UMAD1: variants seen among roughly 807,000 people sequenced by gnomAD.
UMAD1 encodes UBAP1-MVB12-associated (UMA) domain containing 1.
A neutral mutation model predicts 6.1 loss-of-function variants in UMAD1; 8 were observed. The ratio of observed to expected loss-of-function variants is 1.30; its 90% CI spans 0.76 to 2.35. The LOEUF (loss-of-function observed/expected upper bound fraction) is 2.35, where lower values mean the gene tolerates loss of function less well. Ranked by LOEUF, UMAD1 falls within the 30% of genes most tolerant of loss-of-function variation. UMAD1 has a pLI of 0.00. For missense variants in UMAD1, 130 were observed against 78.4 expected, an observed-to-expected ratio of 1.66 and a Z score of -2.49; for synonymous variants, 56 against 31.4, an observed-to-expected ratio of 1.78 and a Z score of -2.61.
At chr7:7,836,527 T>C (rs1053653512) in intron 3 of UMAD1, among the ~76,000 whole-genome samples, 5 of 151,956 alleles carry the variant, frequency 3.3e-5, no homozygotes, top group African/African-American at 1.2e-4. Context: ...AAGTGAGAGT[T>C]AGCAAAAACA....
chr7:7,710,673 C>T (rs574912219), intron 2 of UMAD1, among the ~76,000 whole-genome samples: 9 of 152,266 alleles, frequency 5.9e-5, no homozygotes, highest in African/African-American at 1.4e-4. Context: ...AGTTACTATA[C>T]GACTCAGCAA....
intron 2 of UMAD1, among the ~76,000 whole-genome samples, chr7:7,729,230 G>A (rs1781200088): frequency 6.6e-6 from 1 of 152,208 alleles, no homozygotes. Context: ...AGAGAGCCAG[G>A]ATGGAGCATG....
chr7:7,780,652 T>C (rs1782325968), intron 2 of UMAD1, among the ~76,000 whole-genome samples: 3 of 152,314 alleles, frequency 2.0e-5, no homozygotes, highest in Admixed American at 6.5e-5. Context: ...TCCAAAGCAA[T>C]CCTGACTTCT....
At chr7:7,691,773 G>A (rs947899102) in intron 2 of UMAD1, among the ~76,000 whole-genome samples, 4 of 152,280 alleles carry the variant, frequency 2.6e-5, no homozygotes, top group African/African-American at 9.6e-5. Flanking sequence ...AAATTTGATG[G>A]TATTGAAGTG....
chr7:7,860,414 A>G (rs73345746), intron 3 of UMAD1, among the ~76,000 whole-genome samples: 7,576 of 151,908 alleles, frequency 0.05, 618 homozygotes, highest in African/African-American at 0.17. Context: ...ATATTCATCA[A>G]ATCCTAATGA....
intron 3 of UMAD1, among the ~76,000 whole-genome samples, chr7:7,856,054 C>T (rs1784010055): frequency 6.6e-6 from 1 of 152,178 alleles, no homozygotes; most frequent in Non-Finnish European, 1.5e-5. Context: ...GCATTTTGGT[C>T]AAAGCCATTC....
intron 3 of UMAD1, among the ~76,000 whole-genome samples, chr7:7,821,991 C>T (rs1287275199): frequency 6.6e-6 from 1 of 151,962 alleles, no homozygotes; most frequent in Non-Finnish European, 1.5e-5. Flanking sequence ...TGTAATATTA[C>T]ATTAATATTA....
At chr7:7,799,919 T>C (rs1782764847) in intron 2 of UMAD1, among the ~76,000 whole-genome samples, 1 of 152,272 alleles carries the variant, frequency 6.6e-6, no homozygotes, top group Admixed American at 6.5e-5. Flanking sequence ...GTTTCGCTGT[T>C]GTTCCCCAGG....
intron 3 of UMAD1, among the ~76,000 whole-genome samples, chr7:7,802,375 TC>T (rs1318438484): frequency 0.01 from 1,520 of 145,188 alleles, 36 homozygotes; most frequent in African/African-American, 0.037. Context: ...AGACTCCGTC[TC>T]AAAAAAAAAA....
chr7:7,798,132 G>A (rs1782724663), intron 2 of UMAD1, among the ~76,000 whole-genome samples: 1 of 152,170 alleles, frequency 6.6e-6, no homozygotes, highest in Non-Finnish European at 1.5e-5. Context: ...TTCTATGACT[G>A]CTTGTGACTA....
chr7:7,703,811 G>A (rs900608924), intron 2 of UMAD1, among the ~76,000 whole-genome samples: 1 of 152,058 alleles, frequency 6.6e-6, no homozygotes, highest in Non-Finnish European at 1.5e-5. Context: ...ATGTGGTGGC[G>A]TGCCCCTGTA....
chr7:7,749,059 T>A (rs564010204), intron 2 of UMAD1, among the ~76,000 whole-genome samples: 1 of 152,218 alleles, frequency 6.6e-6, no homozygotes, highest in Non-Finnish European at 1.5e-5. Flanking sequence ...AAAAAAAATT[T>A]CCCTTGATAA....
At chr7:7,730,910 T>C (rs984343055) in intron 2 of UMAD1, among the ~76,000 whole-genome samples, 1 of 152,210 alleles carries the variant, frequency 6.6e-6, no homozygotes, top group African/African-American at 2.4e-5. Flanking sequence ...TGGGGCTTTG[T>C]ATATTACACT....
intron 2 of UMAD1, among the ~76,000 whole-genome samples, chr7:7,683,638 T>A (rs376046411): frequency 5.9e-5 from 9 of 152,092 alleles, no homozygotes; most frequent in African/African-American, 1.7e-4. Flanking sequence ...TTTCTTTTTT[T>A]TAGACGGAGT....
chr7:7,849,548 A>G (rs1299223141), intron 3 of UMAD1, among the ~76,000 whole-genome samples: 2 of 151,930 alleles, frequency 1.3e-5, no homozygotes, highest in Non-Finnish European at 2.9e-5. Flanking sequence ...GGATGAAACC[A>G]CTCTATGACC....
At chr7:7,675,876 T>G (rs918127633) in intron 2 of UMAD1, among the ~76,000 whole-genome samples, 3 of 152,208 alleles carry the variant, frequency 2.0e-5, no homozygotes, top group African/African-American at 7.2e-5. Context: ...CTCGTTGCCC[T>G]TCAGCTCCTC....
chr7:7,789,539 T>C (rs1333479854), intron 2 of UMAD1, among the ~76,000 whole-genome samples: 1 of 152,004 alleles, frequency 6.6e-6, no homozygotes, highest in Non-Finnish European at 1.5e-5. Context: ...TTATTTGTGG[T>C]AAGTACATTC....
intron 3 of UMAD1, among the ~76,000 whole-genome samples, chr7:7,816,386 G>T (rs553855794): frequency 1.1e-4 from 16 of 152,328 alleles, no homozygotes; most frequent in South Asian, 2.1e-4. Context: ...TGACTTCAAT[G>T]ATTTGTGTGC....
At chr7:7,705,929 A>G (rs896549446) in intron 2 of UMAD1, among the ~76,000 whole-genome samples, 1 of 152,102 alleles carries the variant, frequency 6.6e-6, no homozygotes, top group African/African-American at 2.4e-5. Flanking sequence ...CTTCTGTTCA[A>G]TTTTGCTATG....
Sources: gnomAD v4.1 joint callset for allele counts (sites outside exome capture counted in the v4.1 genomes callset) on GRCh38, gnomAD v4.1.1 for gene constraint, MANE v1.5 for transcripts, NCBI Gene and HGNC (gene_info 2026-07-23, HGNC 2026-07-21) for gene names.